ZNF124: variants seen among roughly 807,000 people sequenced by gnomAD.
The protein encoded by ZNF124 is zinc finger protein 124.
A neutral mutation model predicts 26.6 loss-of-function variants in ZNF124; 25 were observed. That is an observed-to-expected ratio of 0.94 (90% CI 0.68 to 1.31). ZNF124 has a LOEUF of 1.31. Among genes scored for constraint, ZNF124 ranks in the 40% most tolerant of loss-of-function variants. The pLI is 0.00. For missense variants in ZNF124, 444 were observed against 422.2 expected (o/e 1.05, Z -0.45); for synonymous variants, 129 against 133.3 (o/e 0.97, Z 0.22).
chr1:247,143,394 C>T (rs1337549567), intron 3 of ZNF124, among the ~76,000 whole-genome samples: 3 of 152,212 alleles, frequency 2.0e-5, no homozygotes, highest in Non-Finnish European at 4.4e-5. Context: ...AGCCCTACCA[C>T]ACAGGCTTAA....
intron 1 of ZNF124, among the ~76,000 whole-genome samples, chr1:247,165,846 G>A (rs1048236938): frequency 6.6e-6 from 1 of 152,114 alleles, no homozygotes; most frequent in Admixed American, 6.5e-5. Flanking sequence ...ACCACGATGA[G>A]ATACCATCTT....
intron 3 of ZNF124, among the ~76,000 whole-genome samples, chr1:247,124,962 TA>T (rs1050866687): frequency 6.6e-5 from 10 of 152,078 alleles, no homozygotes; most frequent in Non-Finnish European, 1.5e-4. Context: ...CATGCCCGGC[TA>T]TTTTTTTATT....
At chr1:247,139,306 G>C (rs1558375395) in intron 3 of ZNF124, among the ~76,000 whole-genome samples, 1 of 152,170 alleles carries the variant, frequency 6.6e-6, no homozygotes, top group East Asian at 1.9e-4. Context: ...GTTTAAATCT[G>C]TTTTGTCAGA....
At chr1:247,125,069 C>T (rs952393840) in intron 3 of ZNF124, among the ~76,000 whole-genome samples, 2 of 152,158 alleles carry the variant, frequency 1.3e-5, no homozygotes, top group Non-Finnish European at 2.9e-5. Context: ...TCCCAAAGTG[C>T]TGGGATTACA....
chr1:247,128,468 T>C (rs1672266474), intron 3 of ZNF124, among the ~76,000 whole-genome samples: 1 of 145,924 alleles, frequency 6.9e-6, no homozygotes, highest in Admixed American at 6.9e-5. Context: ...TGTCAGCTGT[T>C]GGGTCCTCTT....
Position 247,123,977 on chromosome 1 carries a change from C to G in ZNF124, c.219-106G>C, listed in dbSNP as rs527504399. 4 of 689,920 alleles carry G rather than the reference C, an allele frequency of 5.8e-6. No homozygotes were observed. In the South Asian group the frequency reaches 6.0e-5, roughly 10 times the overall value. 42.7% of individuals were successfully genotyped at this position (689,920 alleles called of 1,614,324 possible). On this transcript the variant is annotated intron_variant, in intron 3 of 3. Transcript: ENST00000472531. ...GCTTTTAGCTGGGACTACAGGCACC[C>G]GCCACCACGCCCGGCTAATTTTTTG... is the stretch of plus-strand genomic sequence containing the variant.
chr1:247,162,228 C>T (rs1230917634), intron 1 of ZNF124, among the ~76,000 whole-genome samples: 7 of 151,208 alleles, frequency 4.6e-5, no homozygotes, highest in Non-Finnish European at 8.9e-5. Context: ...AACTAGCTAA[C>T]GACACAATAA....
intron 3 of ZNF124, among the ~76,000 whole-genome samples, chr1:247,135,890 CAT>C (rs1172805914): frequency 6.6e-6 from 1 of 152,148 alleles, no homozygotes; most frequent in African/African-American, 2.4e-5. Flanking sequence ...AATCAATAAA[CAT>C]AATCCATCAG....
At chr1:247,123,433 G>A (rs1349267265) in exon 4 of ZNF124, 3 of 156,384 alleles carry the variant, frequency 1.9e-5, no homozygotes, top group Admixed American at 6.4e-5. Flanking sequence ...CTGACCTTGT[G>A]ATCTGCCCGC....
At chr1:247,134,960 A>G (rs1672449346) in intron 3 of ZNF124, among the ~76,000 whole-genome samples, 1 of 152,204 alleles carries the variant, frequency 6.6e-6, no homozygotes, top group Non-Finnish European at 1.5e-5. Flanking sequence ...AAACCACACG[A>G]TTTCATGGAA....
downstream of ZNF124, among the ~76,000 whole-genome samples, chr1:247,153,089 C>CGCCACT (rs1672992178): frequency 6.6e-6 from 1 of 150,856 alleles, no homozygotes; most frequent in South Asian, 2.1e-4. Flanking sequence ...GCTGAGATTG[C>CGCCACT]GCCACTGCAC....
rs71566695 is a variant in ZNF124 at position 247,125,430 on chromosome 1, CTTTTTTTTTTT to C, written c.219-1570_219-1560del. Among the ~76,000 whole-genome samples the C allele has an allele frequency of 4.5e-3, 196 of 43,288 alleles. 1 individual carries two copies. The highest frequency in any genetic ancestry group is 0.01 in the African/African-American group (121 of 12,074). The allele number at this position is 43,288 out of a possible 152,430, so 28.4% of individuals were successfully genotyped here. ...TATCTTCACCGACACCTGTTTTTGT[CTTTTTTTTTTT>C]TTTTTTTTTTTTTTTTTTTTTGAGG... On this transcript the variant is annotated intron_variant, in intron 3 of 3. Transcript: ENST00000472531.
rs1673206828 is a variant in ZNF124 at position 247,157,288 on chromosome 1, C to T, written c.334G>A (p.Asp112Asn). The part of the protein sequence containing the change: ...TSLSVTRVHR[D>N]TVMHTGNGHY... Reference sequence around the variant, plus strand: ...CCATTTCCAGTGTGCATTACTGTGTCTCTGTGAACCCTTGTGACAGAAAGG... The same window carrying T: ...CCATTTCCAGTGTGCATTACTGTGTTTCTGTGAACCCTTGTGACAGAAAGG... The change falls in exon 4 of 4, where the codon GAC (aspartate) becomes AAC (asparagine). Residue 112 changes from aspartate to asparagine, a missense_variant. Transcript: ENST00000543802. The T allele has an allele frequency of 1.9e-6, 3 of 1,608,262 alleles. No homozygotes were observed. Among genetic ancestry groups the T allele is most frequent in the East Asian group, 2.2e-5 (1 of 44,736 alleles).
At chr1:247,142,408 T>G (rs975958382) in intron 3 of ZNF124, among the ~76,000 whole-genome samples, 4 of 152,248 alleles carry the variant, frequency 2.6e-5, no homozygotes, top group African/African-American at 9.6e-5. Context: ...TGATGTCTTT[T>G]GGCTGTCTTA....
chr1:247,159,891 C>G (rs751702326), intron 1 of ZNF124, 78 bp from the exon 2 acceptor site: 5 of 1,475,432 alleles, frequency 3.4e-6, no homozygotes, highest in Non-Finnish European at 4.5e-6. Flanking sequence ...ATAAGATGTT[C>G]ATCTGATTCT....
Position 247,157,151 on chromosome 1 carries a change from T to TTTC in ZNF124, c.468_470dup (p.Lys157dup). ...TAAGAGAACGGGAAAAACCTAAGGC[T>TTTC]TTCCCACATTCCATACATTCATAGG... On this transcript the variant is annotated inframe_insertion, in exon 4 of 4. Transcript: ENST00000543802. 1 of 1,614,112 alleles carries TTTC rather than the reference T, an allele frequency of 6.2e-7. No homozygotes were observed. The highest frequency in any genetic ancestry group is 8.5e-7 in the Non-Finnish European group (1 of 1,179,962).
At chr1:247,149,736 A>G (rs1428875046) in intron 3 of ZNF124, 3 of 152,260 alleles carry the variant, frequency 2.0e-5, no homozygotes, top group South Asian at 2.1e-4. Context: ...TATAAGATGA[A>G]TAAGTTCTGG....
At chr1:247,159,943 A>G in intron 1 of ZNF124, 130 bp from the exon 2 acceptor site, 1 of 940,910 alleles carries the variant, frequency 1.1e-6, no homozygotes, top group Non-Finnish European at 1.5e-6. Flanking sequence ...TAGAACTATG[A>G]CTCTGTCTAC....
intron 3 of ZNF124, among the ~76,000 whole-genome samples, chr1:247,141,408 G>A (rs1164104732): frequency 6.6e-6 from 1 of 152,098 alleles, no homozygotes; most frequent in African/African-American, 2.4e-5. Flanking sequence ...CACCTGCACT[G>A]CTGGCATAAG....
Sources: gnomAD v4.1 joint callset for allele counts (sites outside exome capture counted in the v4.1 genomes callset) on GRCh38, gnomAD v4.1.1 for gene constraint, MANE v1.5 for transcripts, NCBI Gene and HGNC (gene_info 2026-07-23, HGNC 2026-07-21) for gene names.